The following RPA2 variants were observed in gnomAD, a reference collection of about 807,000 sequenced individuals.
RPA2 encodes replication protein A2, also known as replication protein A 32 kDa subunit.
In RPA2, 22 loss-of-function variants were observed where a neutral mutation model predicts 33.4. The ratio of observed to expected loss-of-function variants is 0.66; its 90% CI spans 0.47 to 0.94. The LOEUF is 0.94. Ranked by LOEUF, RPA2 falls within the 40% of genes least tolerant of loss-of-function variation. The probability of loss-of-function intolerance (pLI) is 0.00; values close to 1 mark genes in which losing one functional copy is unlikely to be tolerated. For missense variants in RPA2, 279 were observed against 329.9 expected (o/e 0.85, Z 1.19); for synonymous variants, 109 against 114.9 (o/e 0.95, Z 0.33).
At chr1:27,902,016 TAA>T (rs11286461) in intron 4 of RPA2, among the ~76,000 whole-genome samples, 106 of 148,740 alleles carry the variant, frequency 7.1e-4, no homozygotes, top group African/African-American at 2.4e-3. Context: ...TTAAACATAG[TAA>T]AAAAAAAAAT....
chr1:27,895,101 T>G (rs930163145), intron 6 of RPA2, among the ~76,000 whole-genome samples: 2 of 152,148 alleles, frequency 1.3e-5, no homozygotes, highest in Non-Finnish European at 2.9e-5. Context: ...CCTCTCAAAC[T>G]GAACCTTCTC....
At chr1:27,902,280 C>T (rs1020986506) in intron 4 of RPA2, among the ~76,000 whole-genome samples, 4 of 140,092 alleles carry the variant, frequency 2.9e-5, no homozygotes, top group South Asian at 2.2e-4. Context: ...ATTATTTTTA[C>T]GTATACTTTT....
intron 6 of RPA2, among the ~76,000 whole-genome samples, chr1:27,895,809 C>T (rs2089884426): frequency 6.6e-6 from 1 of 152,140 alleles, no homozygotes; most frequent in Non-Finnish European, 1.5e-5. Context: ...CTTACCATGG[C>T]CTCCAAAGCC....
chr1:27,897,313 A>AT (rs3830900), intron 5 of RPA2, among the ~76,000 whole-genome samples, 192 bp from the exon 6 acceptor site: 33,051 of 152,010 alleles, frequency 0.22, 4,476 homozygotes, highest in South Asian at 0.37. Context: ...GCTAAGGGAC[A>AT]TTAATAATTT....
At chr1:27,911,830 C>T (rs1011088767) in intron 2 of RPA2, among the ~76,000 whole-genome samples, 27 of 152,140 alleles carry the variant, frequency 1.8e-4, no homozygotes, top group African/African-American at 6.3e-4. Context: ...CGGTGGCTCA[C>T]ACCTGTAATC....
At chr1:27,903,478 T>C (rs549726152) in intron 4 of RPA2, among the ~76,000 whole-genome samples, 24 of 151,994 alleles carry the variant, frequency 1.6e-4, no homozygotes, top group African/African-American at 5.8e-4. Context: ...TCCCAGCACT[T>C]TGGGAGGCTG....
intron 4 of RPA2, among the ~76,000 whole-genome samples, chr1:27,904,289 T>C (rs183047083): frequency 6.6e-6 from 1 of 152,298 alleles, no homozygotes; most frequent in East Asian, 1.9e-4. Flanking sequence ...TGTATGTACA[T>C]ATATGCAGAG....
chr1:27,913,194 C>T (rs2090121871), intron 2 of RPA2, among the ~76,000 whole-genome samples: 1 of 151,346 alleles, frequency 6.6e-6, no homozygotes, highest in Non-Finnish European at 1.5e-5. Flanking sequence ...CTCAGGTGAT[C>T]CACCCGCCTC....
At chr1:27,899,884 G>A (rs2089945849) in intron 4 of RPA2, among the ~76,000 whole-genome samples, 1 of 152,002 alleles carries the variant, frequency 6.6e-6, no homozygotes, top group Non-Finnish European at 1.5e-5. Flanking sequence ...GTTTCACCCT[G>A]TTAACCAGGA....
chr1:27,897,113 C>T lies in RPA2; in HGVS notation c.417G>A (p.Lys139=). 6.2e-7 allele frequency: 1 copy of T among 1,607,368 alleles called. No individual in the cohort carries two copies. Among genetic ancestry groups the T allele is most frequent in the Non-Finnish European group, 8.5e-7 (1 of 1,177,558 alleles). The change falls in exon 6 of 9, where the codon AAG becomes AAA. Residue 139 remains lysine, a synonymous_variant. Transcript: ENST00000373912. ...GCATGATCTTAAAGGCTACCAGGCT[C>T]TTTTTGTTCTATTAAAATGAAGGAA... is the stretch of plus-strand genomic sequence containing the variant. ...AGHLRSFQNK[K]SLVAFKIMPL...
chr1:27,908,504 CTTTTT>C (rs1224486461), intron 2 of RPA2, among the ~76,000 whole-genome samples: 2 of 150,450 alleles, frequency 1.3e-5, no homozygotes, highest in Non-Finnish European at 3.0e-5. Flanking sequence ...CAAATTATAT[CTTTTT>C]TTTTGAGATG....
At chr1:27,895,293 G>A (rs1223245325) in intron 6 of RPA2, among the ~76,000 whole-genome samples, 12 of 152,166 alleles carry the variant, frequency 7.9e-5, no homozygotes, top group Admixed American at 6.5e-4. Context: ...ATGGTGGTGC[G>A]TACCTGTAAT....
Position 27,906,961 on chromosome 1 carries a change from T to C in RPA2, c.300A>G (p.Ala100=), listed in dbSNP as rs367546996. 2.1e-4 allele frequency: 334 copies of C among 1,613,718 alleles called. No homozygotes were observed. Among genetic ancestry groups the C allele is most frequent in the Non-Finnish European group, 3.9e-5 (46 of 1,179,954 alleles). The change falls in exon 4 of 9, where the codon GCA becomes GCG. Residue 100 remains alanine (A), a synonymous_variant. Transcript: ENST00000373912. ...IVYKIDDMTA[A]PMDVRQWVDT... Reference sequence around the variant, plus strand: ...CAACCCACTGGCGAACGTCCATGGGTGCAGCTGTCATGTCATCTATTTTGT... The same window carrying C: ...CAACCCACTGGCGAACGTCCATGGGCGCAGCTGTCATGTCATCTATTTTGT...
intron 4 of RPA2, among the ~76,000 whole-genome samples, chr1:27,903,401 T>C (rs2089991012): frequency 1.3e-5 from 2 of 152,156 alleles, no homozygotes; most frequent in South Asian, 4.1e-4. Flanking sequence ...AAATGATAGA[T>C]GTAAATCTTT....
chr1:27,903,137 G>A (rs962818707), intron 4 of RPA2, among the ~76,000 whole-genome samples: 3 of 151,956 alleles, frequency 2.0e-5, no homozygotes, highest in Admixed American at 6.6e-5. Context: ...CCATGTTGGC[G>A]GTGCCGGTCT....
intron 2 of RPA2, among the ~76,000 whole-genome samples, chr1:27,907,631 G>C (rs1311502469): frequency 6.6e-6 from 1 of 152,220 alleles, no homozygotes; most frequent in Non-Finnish European, 1.5e-5. Flanking sequence ...TTAGGGTGTA[G>C]ACAGGCTGGT....
intron 6 of RPA2, among the ~76,000 whole-genome samples, chr1:27,895,230 A>C (rs958216741): frequency 6.6e-6 from 1 of 152,132 alleles, no homozygotes; most frequent in African/African-American, 2.4e-5. Context: ...TGCTAACCGG[A>C]TGCCAACATG....
At chr1:27,914,593 C>T (rs571005190), upstream of RPA2, 5 of 1,613,678 alleles carry the variant, frequency 3.1e-6, no homozygotes, top group East Asian at 4.5e-5. Flanking sequence ...CCAGTCAGCT[C>T]CCGGGGTGCT....
intron 2 of RPA2, among the ~76,000 whole-genome samples, chr1:27,913,496 G>A (rs2090126598): frequency 6.6e-6 from 1 of 151,462 alleles, no homozygotes; most frequent in African/African-American, 2.4e-5. Context: ...GCTGAAGCAG[G>A]AGAATCGCTT....
Sources: allele counts gnomAD v4.1 joint callset (sites outside exome capture counted in the v4.1 genomes callset), GRCh38; gene constraint gnomAD v4.1.1; transcripts MANE v1.5; gene names NCBI Gene and HGNC (gene_info 2026-07-23, HGNC 2026-07-21).